TMEM131L: variants seen among roughly 807,000 people sequenced by gnomAD.
TMEM131L encodes transmembrane protein 131-like.
TMEM131L carries 54 observed loss-of-function variants against 192.2 expected under a neutral mutation model. That is an observed-to-expected ratio of 0.28 (90% CI 0.23 to 0.35). TMEM131L has a LOEUF of 0.35. Ranked by LOEUF, TMEM131L falls within the 10% of genes least tolerant of loss-of-function variation. The pLI, the probability that TMEM131L is intolerant of heterozygous loss-of-function variation, is 1.00. For synonymous variants in TMEM131L, 701 were observed against 704.9 expected (o/e 0.99, Z 0.09); for missense variants, 1,888 against 1,972.9 (o/e 0.96, Z 0.82).
At chr4:153,534,406 G>A (rs139268673) in intron 3 of TMEM131L, among the ~76,000 whole-genome samples, 4 of 152,096 alleles carry the variant, frequency 2.6e-5, no homozygotes, top group African/African-American at 9.6e-5. Context: ...GATTTTACAA[G>A]GATTTGAAGG....
intron 19 of TMEM131L, among the ~76,000 whole-genome samples, chr4:153,595,859 G>A (rs1413642292): frequency 6.6e-6 from 1 of 152,152 alleles, no homozygotes; most frequent in Non-Finnish European, 1.5e-5. Context: ...TATATAAAGA[G>A]ATCTTTGGGT....
chr4:153,597,899 C>T (rs1731555416), intron 20 of TMEM131L, among the ~76,000 whole-genome samples: 1 of 152,158 alleles, frequency 6.6e-6, no homozygotes, highest in African/African-American at 2.4e-5. Flanking sequence ...TGCCACTGCA[C>T]CCCAGCCTGA....
chr4:153,620,878 A>T lies in TMEM131L; in HGVS notation c.3690A>T (p.Ser1230=), dbSNP rs1390522681. 6.3e-7 allele frequency: 1 copy of T among 1,585,548 alleles called. No homozygotes were observed. Among genetic ancestry groups the T allele is most frequent in the African/African-American group, 1.4e-5 (1 of 72,982 alleles). The change falls in exon 27 of 35, where the codon TCA becomes TCT. Residue 1230 remains serine, a splice_region_variant and synonymous_variant. Transcript: ENST00000409959. The stretch of plus-strand genomic sequence containing the variant: ...AGAAAAGGGGTGTTGCTCCAGTCTC[A>T]AGGTGCGTAATTCTTACTATCTCTA... ...KNKKRGVAPV[S]RPPEQSDLKL...
chr4:153,619,115 A>G (rs1325579269), intron 26 of TMEM131L, among the ~76,000 whole-genome samples: 2 of 152,158 alleles, frequency 1.3e-5, no homozygotes, highest in Admixed American at 6.5e-5. Context: ...ACAGGATGAC[A>G]GTTCCAACCA....
At chr4:153,570,294 G>A (rs1561201095) in intron 7 of TMEM131L, among the ~76,000 whole-genome samples, 1 of 152,188 alleles carries the variant, frequency 6.6e-6, no homozygotes, top group Non-Finnish European at 1.5e-5. Context: ...AAGCAGAATC[G>A]TCCCTAGTAC....
At chr4:153,604,904 C>T (rs893727614) in intron 25 of TMEM131L, among the ~76,000 whole-genome samples, 1 of 152,234 alleles carries the variant, frequency 6.6e-6, no homozygotes, top group East Asian at 1.9e-4. Context: ...GAAGTTTCAC[C>T]ATGTTGGCCA....
intron 3 of TMEM131L, among the ~76,000 whole-genome samples, chr4:153,502,910 C>T (rs1434810575): frequency 6.6e-6 from 1 of 152,032 alleles, no homozygotes; most frequent in Non-Finnish European, 1.5e-5. Context: ...GTCAATGACC[C>T]TTTTCCTAGA....
chr4:153,514,378 T>G (rs1376074932), intron 3 of TMEM131L, among the ~76,000 whole-genome samples: 1 of 152,160 alleles, frequency 6.6e-6, no homozygotes, highest in Non-Finnish European at 1.5e-5. Context: ...CTCGGCTGAG[T>G]AGAGAATTGC....
At chr4:153,608,747 A>G (rs927160756) in intron 25 of TMEM131L, among the ~76,000 whole-genome samples, 1 of 152,238 alleles carries the variant, frequency 6.6e-6, no homozygotes, top group South Asian at 2.1e-4. Context: ...TTCAAAACAG[A>G]CCACGTGATT....
At position 153,636,371 on chromosome 4, in the gene TMEM131L, G is replaced by A. The variant is rs546087781; in HGVS notation, c.4628G>A (p.Ser1543Asn). Residue 1543 changes from serine to asparagine, a missense_variant, in exon 35 of 35, where the codon AGC (serine) becomes AAC (asparagine). Physicochemically the swap from Ser to Asn is conservative, Grantham distance 46 (BLOSUM62 1). Transcript: ENST00000409959. ...GLFGSIWAPQ[S>N]DVYENCCPIN... ...TTTGGTTCCATCTGGGCCCCGCAAA[G>A]CGATGTGTATGAAAATTGCTGCCCC... 1 of 1,614,082 alleles carries A rather than the reference G, an allele frequency of 6.2e-7. No homozygotes were observed. Among genetic ancestry groups the A allele is most frequent in the East Asian group, 2.2e-5 (1 of 44,884 alleles).
chr4:153,510,752 C>T (rs1013971474), intron 3 of TMEM131L, among the ~76,000 whole-genome samples: 2 of 151,972 alleles, frequency 1.3e-5, no homozygotes, highest in African/African-American at 2.4e-5. Context: ...CGCGGTGGCA[C>T]GTGCCTGTAG....
chr4:153,516,848 C>T (rs145200493), intron 3 of TMEM131L, among the ~76,000 whole-genome samples: 52 of 152,172 alleles, frequency 3.4e-4, no homozygotes, highest in African/African-American at 1.1e-3. Context: ...TCTTTTGAGA[C>T]GGAGTCTTGC....
intron 3 of TMEM131L, among the ~76,000 whole-genome samples, chr4:153,509,825 T>G (rs895734305): frequency 2.0e-5 from 3 of 152,136 alleles, no homozygotes; most frequent in African/African-American, 7.2e-5. Context: ...AGCTACTGAT[T>G]ATATTGGCCC....
At chr4:153,485,188 G>A (rs866888997) in intron 3 of TMEM131L, among the ~76,000 whole-genome samples, 4 of 144,960 alleles carry the variant, frequency 2.8e-5, no homozygotes, top group East Asian at 2.0e-4. Context: ...CTGTTGATTC[G>A]TTTTTATTAT....
chr4:153,595,317 G>C (rs1026238790), intron 19 of TMEM131L, among the ~76,000 whole-genome samples: 3 of 152,126 alleles, frequency 2.0e-5, no homozygotes, highest in Admixed American at 6.6e-5. Flanking sequence ...TGGCATATAA[G>C]AACCATTTAA....
chr4:153,586,493 A>G (rs549734313), intron 14 of TMEM131L, 114 bp downstream of exon 14: 172 of 680,034 alleles, frequency 2.5e-4, no homozygotes, highest in Non-Finnish European at 3.8e-4. Flanking sequence ...CTTTAAGGCT[A>G]AGAAACTGAA....
At chr4:153,480,881 G>A (rs115302823) in intron 3 of TMEM131L, among the ~76,000 whole-genome samples, 201 of 152,256 alleles carry the variant, frequency 1.3e-3, no homozygotes, top group African/African-American at 4.8e-3. Flanking sequence ...CCCAGTTCCT[G>A]TGCCTGCCGT....
At chr4:153,545,957 C>G (rs1737141455) in intron 3 of TMEM131L, among the ~76,000 whole-genome samples, 1 of 152,018 alleles carries the variant, frequency 6.6e-6, no homozygotes, top group South Asian at 2.1e-4. Flanking sequence ...GGTCATTGCT[C>G]CCTGCAGCTT....
At chr4:153,467,332 GC>G in intron 2 of TMEM131L, 51 bp downstream of exon 2, 1 of 1,486,714 alleles carries the variant, frequency 6.7e-7, no homozygotes, top group Middle Eastern at 1.7e-4. Context: ...GGGAGGAGAG[GC>G]GGGGAGGCCC....
Sources: gnomAD v4.1 joint callset for allele counts (sites outside exome capture counted in the v4.1 genomes callset) on GRCh38, gnomAD v4.1.1 for gene constraint, MANE v1.5 for transcripts, NCBI Gene and HGNC (gene_info 2026-07-23, HGNC 2026-07-21) for gene names.